COL27A1: variants seen among roughly 807,000 people sequenced by gnomAD.
The protein encoded by COL27A1 is collagen alpha-1(XXVII) chain.
In COL27A1, 106 loss-of-function variants were observed where a neutral mutation model predicts 251.3. The ratio of observed to expected loss-of-function variants is 0.42; its 90% confidence interval spans 0.36 to 0.50. The LOEUF (loss-of-function observed/expected upper bound fraction) is 0.50, where lower values mean the gene tolerates loss of function less well. Ranked by LOEUF, COL27A1 falls within the 20% of genes least tolerant of loss-of-function variation. The pLI is 0.00. For synonymous variants in COL27A1, 1,000 were observed against 986.3 expected, an observed-to-expected ratio of 1.01 and a Z score of -0.26; for missense variants, 2,325 against 2,522.8, an observed-to-expected ratio of 0.92 and a Z score of 1.68.
rs971783761 is a variant in COL27A1 at position 114,194,322 on chromosome 9, A to G, written c.2017-82A>G. ...TGGGAAGGCATTTAAGCAAGGGAGC[A>G]GGGCTTTGAGCAGAGTTTGTGGGGA... On this transcript the variant is annotated intron_variant, in intron 5 of 60. Transcript: ENST00000356083. 5 of 1,343,396 alleles carry G rather than the reference A, an allele frequency of 3.7e-6. No individual in the cohort carries two copies. The African/African-American group carries it at 7.2e-5, about 19-fold the overall frequency. The allele number at this position is 1,343,396 out of a possible 1,614,324, so 83.2% of individuals were successfully genotyped here. A position where few individuals can be genotyped will look rare whatever the true frequency, so the allele number is the denominator to read the frequency against.
At chr9:114,188,003 T>G (rs922224916) in intron 5 of COL27A1, among the ~76,000 whole-genome samples, 3 of 152,172 alleles carry the variant, frequency 2.0e-5, no homozygotes, top group African/African-American at 7.2e-5. Context: ...AAGCCCCAAA[T>G]TGGGGATTAG....
At chr9:114,244,856 G>A (rs992305082) in intron 23 of COL27A1, among the ~76,000 whole-genome samples, 1 of 152,208 alleles carries the variant, frequency 6.6e-6, no homozygotes, top group Non-Finnish European at 1.5e-5. Context: ...CAGATCTGCT[G>A]TGGGCCTGAG....
intron 27 of COL27A1, among the ~76,000 whole-genome samples, chr9:114,254,848 T>C (rs1200371615): frequency 6.6e-6 from 1 of 152,258 alleles, no homozygotes; most frequent in African/African-American, 2.4e-5. Flanking sequence ...AGACTCTCAC[T>C]GTCTGGTGGG....
In COL27A1 at chr9:114,266,357, G is replaced by C. The variant is rs555057339; in HGVS notation, c.3394-208G>C. On this transcript the variant is annotated intron_variant, in intron 32 of 60. Transcript: ENST00000356083. ...GGGCTTTAGGTGGGTGGATAGGAGA[G>C]TGTGCAGCTGTGTTGGAGGGAGTAT... Among the ~76,000 whole-genome samples the C allele has an allele frequency of 2.0e-5, 3 of 152,270 alleles. No homozygotes were observed. The East Asian group carries it at 5.8e-4, about 29-fold the overall frequency.
At position 114,301,308 on chromosome 9, in the gene COL27A1, C is replaced by T. The variant is rs200302460; in HGVS notation, c.4780C>T (p.Arg1594Cys). 91 of 1,389,298 alleles carry T rather than the reference C, an allele frequency of 6.6e-5. No homozygotes were observed. The highest frequency in any genetic ancestry group is 7.7e-5 in the African/African-American group (5 of 64,524). 86.1% of individuals were successfully genotyped at this position (1,389,298 alleles called of 1,614,324 possible). ...GGGTCCGAAGGGTGACAAAGGCAGC[C>T]GTGGGGACTGGGTAAGTGGATGGGC... ...LPGPKGDKGS[R>C]GDWGLQGPRG... Residue 1594 changes from arginine to cysteine, a missense_variant, in exon 53 of 61, where the codon CGT becomes TGT. Physicochemically the swap from Arg to Cys is radical, Grantham distance 180 (BLOSUM62 -3). Transcript: ENST00000356083.
intron 27 of COL27A1, among the ~76,000 whole-genome samples, chr9:114,254,532 G>A (rs1313349165): frequency 6.6e-6 from 1 of 152,134 alleles, no homozygotes; most frequent in Non-Finnish European, 1.5e-5. Flanking sequence ...TGGGGAAGTT[G>A]GGGAGGGTGT....
Position 114,159,430 on chromosome 9 carries a change from C to A in COL27A1, c.63-3285C>A, listed in dbSNP as rs553136222. On this transcript the variant is annotated intron_variant, in intron 1 of 60. Transcript: ENST00000356083. Reference sequence around the variant, plus strand: ...AGGAAGTTTGGTATGTGACATAATCCAATGAAGGACTCAAGGAGTGAGGGC... The same window carrying A: ...AGGAAGTTTGGTATGTGACATAATCAAATGAAGGACTCAAGGAGTGAGGGC... Among the ~76,000 whole-genome samples, 6 of 152,128 alleles carry A rather than the reference C, an allele frequency of 3.9e-5. No homozygotes were observed. The East Asian group carries it at 1.2e-3, about 29-fold the overall frequency.
At chr9:114,196,439 C>T (rs1296031914) in intron 7 of COL27A1, among the ~76,000 whole-genome samples, 2 of 152,164 alleles carry the variant, frequency 1.3e-5, no homozygotes, top group African/African-American at 2.4e-5. Flanking sequence ...AGACAATGAT[C>T]CCCGTCTCTG....
chr9:114,261,902 G>A (rs1834367285), intron 28 of COL27A1, among the ~76,000 whole-genome samples: 2 of 152,152 alleles, frequency 1.3e-5, no homozygotes, highest in African/African-American at 4.8e-5. Context: ...CTGCTCCTGC[G>A]GTGGCTGCTA....
At chr9:114,194,600 G>T in intron 6 of COL27A1, 143 bp downstream of exon 6, 1 of 756,628 alleles carries the variant, frequency 1.3e-6, no homozygotes. Context: ...TTAGGGTATG[G>T]TTTGGTTTTT....
intron 49 of COL27A1, among the ~76,000 whole-genome samples, chr9:114,299,405 C>T (rs972525656): frequency 4.6e-5 from 7 of 152,338 alleles, no homozygotes; most frequent in African/African-American, 1.7e-4. Context: ...CCCTTCTTGG[C>T]TCAGACCCCA....
At position 114,265,458 on chromosome 9, in the gene COL27A1, G is replaced by A. The variant is rs1170454815; in HGVS notation, c.3376G>A (p.Gly1126Ser). 5 of 1,613,718 alleles carry A rather than the reference G, an allele frequency of 3.1e-6. No homozygotes were observed. Among genetic ancestry groups the A allele is most frequent in the Middle Eastern group, 1.6e-4 (1 of 6,082 alleles). Residue 1126 changes from glycine (G) to serine (S), a missense_variant, in exon 32 of 61, where the codon GGC (glycine) becomes AGC (serine). Transcript: ENST00000356083. ...PGPSGPPGTK[G>S]LPGEPGPQGP... ...TCCCTCAGGCCCCCCAGGCACCAAG[G>A]GCCTCCCAGGAGAACCGGTAAGAGC...
At chr9:114,270,814 C>T (rs770222564) in intron 36 of COL27A1, 33 bp downstream of exon 36, 6 of 1,559,366 alleles carry the variant, frequency 3.8e-6, no homozygotes, top group Non-Finnish European at 4.4e-6. Flanking sequence ...GCCTGGGGAC[C>T]CCGGCAGGGC....
At chr9:114,241,914 G>A (rs1832781182) in intron 21 of COL27A1, among the ~76,000 whole-genome samples, 1 of 152,212 alleles carries the variant, frequency 6.6e-6, no homozygotes, top group Admixed American at 6.5e-5. Context: ...GTTCCTCACA[G>A]CACACAACGG....
intron 7 of COL27A1, among the ~76,000 whole-genome samples, chr9:114,196,607 A>G (rs955998163): frequency 4.4e-4 from 67 of 152,314 alleles, no homozygotes; most frequent in African/African-American, 1.6e-3. Flanking sequence ...TCAGAGTCTA[A>G]TATGCGGCCC....
chr9:114,236,752 T>C (rs1262513720), intron 17 of COL27A1, among the ~76,000 whole-genome samples: 2 of 152,088 alleles, frequency 1.3e-5, no homozygotes, highest in Non-Finnish European at 2.9e-5. Flanking sequence ...TTCTTCCTGG[T>C]GAGGACAGGG....
At chr9:114,192,306 T>A (rs753706648) in intron 5 of COL27A1, among the ~76,000 whole-genome samples, 10 of 152,194 alleles carry the variant, frequency 6.6e-5, no homozygotes, top group East Asian at 1.9e-4. Context: ...GAGAAAGAGC[T>A]GCTGTCCTTT....
intron 27 of COL27A1, among the ~76,000 whole-genome samples, chr9:114,257,733 C>T (rs1231867881): frequency 1.3e-5 from 2 of 152,144 alleles, no homozygotes; most frequent in Non-Finnish European, 2.9e-5. Context: ...CCCAAGCTCA[C>T]CCCAGGCCTG....
At chr9:114,183,209 C>T (rs896053832) in intron 5 of COL27A1, 134 bp downstream of exon 5, 2 of 791,770 alleles carry the variant, frequency 2.5e-6, no homozygotes, top group East Asian at 2.5e-5. Flanking sequence ...CAGGGGCACC[C>T]TCTGGGCCCC....
Sources: gnomAD v4.1 joint callset for allele counts (sites outside exome capture counted in the v4.1 genomes callset) on GRCh38, gnomAD v4.1.1 for gene constraint, MANE v1.5 for transcripts, NCBI Gene and HGNC (gene_info 2026-07-23, HGNC 2026-07-21) for gene names.